Variants in GPLD1 observed in about 807,000 individuals in gnomAD.
The protein encoded by GPLD1 is phosphatidylinositol-glycan-specific phospholipase D.
A neutral mutation model predicts 112.6 loss-of-function variants in GPLD1; 84 were observed. The ratio of observed to expected loss-of-function variants is 0.75; its 90% CI spans 0.63 to 0.89. The LOEUF (loss-of-function observed/expected upper bound fraction) is 0.89, where lower values mean the gene tolerates loss of function less well. Ranked by LOEUF, GPLD1 falls within the 40% of genes least tolerant of loss-of-function variation. The probability of loss-of-function intolerance (pLI) is 0.00; values close to 1 mark genes in which losing one functional copy is unlikely to be tolerated. For synonymous variants in GPLD1, 386 were observed against 403.8 expected (o/e 0.96, Z 0.53); for missense variants, 1,044 against 1,051.5 (o/e 0.99, Z 0.10).
upstream of GPLD1, among the ~76,000 whole-genome samples, chr6:24,493,286 G>A (rs1006236540): frequency 6.6e-6 from 1 of 152,182 alleles, no homozygotes; most frequent in Non-Finnish European, 1.5e-5. Context: ...GACCAGCCTG[G>A]CCAACACGGT....
At chr6:24,450,676 A>G (rs1423972453) in intron 14 of GPLD1, among the ~76,000 whole-genome samples, 1 of 152,116 alleles carries the variant, frequency 6.6e-6, no homozygotes, top group African/African-American at 2.4e-5. Context: ...CATTAAATAG[A>G]ATCAAAAATT....
intron 10 of GPLD1, 21 bp from the exon 11 acceptor site, chr6:24,462,816 G>GT (rs1372980252): frequency 6.4e-7 from 1 of 1,565,586 alleles, no homozygotes; most frequent in Non-Finnish European, 8.8e-7. Flanking sequence ...AGTCAAATGA[G>GT]TTAGCCATTT....
In GPLD1 at chr6:24,427,184, G is replaced by A. The variant is rs897029528; in HGVS notation, c.*1848C>T. Among the ~76,000 whole-genome samples the A allele has an allele frequency of 6.6e-6, 1 of 152,186 alleles. No homozygotes were observed. The highest frequency in any genetic ancestry group is 1.9e-4 in the East Asian group (1 of 5,200). ...CAGATAATGCCCGCTAATGTTTACT[G>A]AAACTGAAACCCTATGATACATTCC... On this transcript the variant is annotated 3_prime_UTR_variant, in exon 25 of 25. Coordinates refer to ENST00000230036, the MANE Select transcript of GPLD1 (RefSeq NM_001503.4).
chr6:24,495,084 G>T lies in GPLD1; in HGVS notation n.122C>A, dbSNP rs1171926592. 1 of 1,320,528 alleles carries T rather than the reference G, an allele frequency of 7.6e-7. No individual in the cohort carries two copies. Among genetic ancestry groups the T allele is most frequent in the African/African-American group, 1.5e-5 (1 of 65,808 alleles). 81.8% of individuals were successfully genotyped at this position (1,320,528 alleles called of 1,614,324 possible). On this transcript the variant is annotated non_coding_transcript_exon_variant, in exon 1 of 11. Transcript: ENST00000474784. ...CTGCCGCCTCCGCCCCCGCGCCGGC[G>T]GCCTGGTCCCTGCCTCCGGGCCTGC...
chr6:24,446,138 C>T (rs563737941), intron 18 of GPLD1, among the ~76,000 whole-genome samples: 1 of 152,170 alleles, frequency 6.6e-6, no homozygotes, highest in African/African-American at 2.4e-5. Flanking sequence ...TACACTGAAG[C>T]CCTAACCCCC....
intron 20 of GPLD1, among the ~76,000 whole-genome samples, chr6:24,444,404 T>C (rs1227989028): frequency 6.6e-6 from 1 of 152,104 alleles, no homozygotes; most frequent in Non-Finnish European, 1.5e-5. Flanking sequence ...AAGGGGTGTT[T>C]TTTTTTTCCT....
At chr6:24,479,833 T>C (rs1008373267) in intron 3 of GPLD1, 48 bp downstream of exon 3, 1 of 970,780 alleles carries the variant, frequency 1.0e-6, no homozygotes, top group Non-Finnish European at 1.7e-6. Flanking sequence ...GCTATTCCTA[T>C]TAACCAAGTA....
chr6:24,483,382 TAA>T (rs1764265719), intron 2 of GPLD1, among the ~76,000 whole-genome samples: 1 of 151,246 alleles, frequency 6.6e-6, no homozygotes, highest in African/African-American at 2.4e-5. Context: ...TGAAATAGAA[TAA>T]AGAGTACAGA....
intron 20 of GPLD1, among the ~76,000 whole-genome samples, chr6:24,443,157 G>A (rs1762799586): frequency 6.6e-6 from 1 of 152,168 alleles, no homozygotes; most frequent in African/African-American, 2.4e-5. Context: ...TTACAAGACT[G>A]AACGAAGGAG....
intron 3 of GPLD1, among the ~76,000 whole-genome samples, chr6:24,479,074 T>C (rs963364741): frequency 1.3e-5 from 2 of 152,000 alleles, no homozygotes; most frequent in Admixed American, 6.6e-5. Context: ...AAATCACAGA[T>C]AACATCTCCA....
At chr6:24,448,356 C>CA in intron 15 of GPLD1, 148 bp from the exon 16 acceptor site, 2 of 373,836 alleles carry the variant, frequency 5.3e-6, no homozygotes, top group Non-Finnish European at 1.0e-5. Flanking sequence ...CAAGTGGGAA[C>CA]ATTGCTTGAG....
chr6:24,484,869 G>A (rs1486789114), intron 2 of GPLD1, among the ~76,000 whole-genome samples: 2 of 152,166 alleles, frequency 1.3e-5, no homozygotes, highest in Non-Finnish European at 2.9e-5. Context: ...TTACCATCCC[G>A]CTTCCCAAAT....
intron 22 of GPLD1, among the ~76,000 whole-genome samples, chr6:24,435,112 C>T (rs1185765821): frequency 1.3e-4 from 19 of 149,594 alleles, no homozygotes; most frequent in South Asian, 2.1e-4. Flanking sequence ...CCCGGGTTCA[C>T]GCCATTCTCC....
At chr6:24,455,152 G>C (rs1401282816) in intron 13 of GPLD1, among the ~76,000 whole-genome samples, 2 of 152,198 alleles carry the variant, frequency 1.3e-5, no homozygotes, top group African/African-American at 2.4e-5. Flanking sequence ...TGGTGGGAGG[G>C]ACAGACACTC....
chr6:24,490,795 A>G (rs542357249), upstream of GPLD1, among the ~76,000 whole-genome samples: 1 of 152,070 alleles, frequency 6.6e-6, no homozygotes, highest in East Asian at 1.9e-4. Flanking sequence ...GAATGATTTG[A>G]CAACAGTTGT....
intron 7 of GPLD1, among the ~76,000 whole-genome samples, chr6:24,471,626 G>C (rs1763827101): frequency 6.6e-6 from 1 of 152,150 alleles, no homozygotes; most frequent in Non-Finnish European, 1.5e-5. Context: ...ATTAACTCCA[G>C]TTAAATCAAA....
chr6:24,456,390 T>C, intron 13 of GPLD1, 108 bp downstream of exon 13: 2 of 764,724 alleles, frequency 2.6e-6, no homozygotes, highest in East Asian at 2.8e-5. Context: ...AGTGAGACTC[T>C]GTCTCAAAAA....
At chr6:24,473,075 CGCCT>C (rs1368182279) in intron 6 of GPLD1, 1 of 80,976 alleles carries the variant, frequency 1.2e-5, no homozygotes, top group African/African-American at 4.8e-5. Flanking sequence ...CACGCCAGGC[CGCCT>C]TTTTTTTTTT....
rs1242008218 is a variant in GPLD1, at chr6:24,481,266, GC to G, written c.154-1308del. The stretch of plus-strand genomic sequence containing the variant: ...ATTAATCCTTTCCTTGCCTAAACTA[GC>G]AGAGGGGTTTCCATTATCTGCAAAT... On this transcript the variant is annotated intron_variant, in intron 2 of 24. Coordinates refer to ENST00000230036, the MANE Select transcript of GPLD1 (RefSeq NM_001503.4). 3.9e-5 allele frequency among the ~76,000 whole-genome samples: 6 copies of G among 151,918 alleles called. No homozygotes were observed. The East Asian group carries it at 1.2e-3, about 29-fold the overall frequency.
Sources: allele counts gnomAD v4.1 joint callset (sites outside exome capture counted in the v4.1 genomes callset), GRCh38; gene constraint gnomAD v4.1.1; transcripts MANE v1.5; gene names NCBI Gene and HGNC (gene_info 2026-07-23, HGNC 2026-07-21).